The following SPMIP8 variants were observed in gnomAD, a reference collection of about 807,000 sequenced individuals.
SPMIP8 encodes the protein testicular tissue protein Li 196.
the SPMIP8 span, among the ~76,000 whole-genome samples, chr16:57,979,191 C>T: frequency 2.0e-5 from 3 of 152,220 alleles, no homozygotes; most frequent in African/African-American, 2.4e-5. Flanking sequence ...TAGGTGCAGG[C>T]GGGGCAGGGT....
At chr16:57,987,089 A>G in the SPMIP8 span, 5 of 337,888 alleles carry the variant, frequency 1.5e-5, no homozygotes, top group African/African-American at 8.4e-5. Flanking sequence ...ACACGGGGAA[A>G]CGTTTCTGGG....
At chr16:57,986,494 C>G in the SPMIP8 span, 1 of 152,306 alleles carries the variant, frequency 6.6e-6, no homozygotes, top group African/African-American at 2.4e-5. Context: ...CCCCCGAAAC[C>G]CAGCAGACCA....
the SPMIP8 span, chr16:57,986,118 A>G: frequency 2.8e-6 from 2 of 710,614 alleles, no homozygotes; most frequent in Non-Finnish European, 4.2e-6. Context: ...GCCCCTGGCA[A>G]ATGTGCAGCC....
At chr16:57,984,471 A>G in the SPMIP8 span, 3 of 1,535,832 alleles carry the variant, frequency 2.0e-6, no homozygotes, top group Non-Finnish European at 2.7e-6. Flanking sequence ...CCTGCTTGGG[A>G]CTCCCGCTCC....
the SPMIP8 span, among the ~76,000 whole-genome samples, chr16:57,981,845 T>G: frequency 1.3e-5 from 2 of 152,090 alleles, no homozygotes; most frequent in Non-Finnish European, 2.9e-5. Context: ...TCATTTATTG[T>G]GTCTAAACCG....
At chr16:57,987,688 G>A in the SPMIP8 span, 3 of 400,166 alleles carry the variant, frequency 7.5e-6, no homozygotes, top group Non-Finnish European at 8.8e-6. Flanking sequence ...GTGGGGGGTT[G>A]GAGAAAAATG....
the SPMIP8 span, among the ~76,000 whole-genome samples, chr16:57,983,460 A>AT: frequency 6.6e-6 from 1 of 151,304 alleles, no homozygotes; most frequent in African/African-American, 2.5e-5. Context: ...AAGCTTCTGG[A>AT]TTTTTAATTA....
chr16:57,983,413 T>A, the SPMIP8 span, among the ~76,000 whole-genome samples: 1 of 152,202 alleles, frequency 6.6e-6, no homozygotes, highest in Non-Finnish European at 1.5e-5. Context: ...ATGTAGAAGT[T>A]TATTTTTATG....
chr16:57,981,383 AATAATAATAATTATTATTATT>A, the SPMIP8 span, among the ~76,000 whole-genome samples: 16 of 52,710 alleles, frequency 3.0e-4, no homozygotes, highest in Middle Eastern at 0.015. Context: ...CCGTCTCAAT[AATAATAATAATTATTATTATT>A]ATAATAATAA....
At chr16:57,986,711 A>C in the SPMIP8 span, 1 of 152,200 alleles carries the variant, frequency 6.6e-6, no homozygotes, top group African/African-American at 2.4e-5. Flanking sequence ...CTCCTGCCTC[A>C]GCTTTCTGAG....
At chr16:57,984,441 C>T in the SPMIP8 span, 2 of 1,578,172 alleles carry the variant, frequency 1.3e-6, no homozygotes, top group Non-Finnish European at 1.7e-6. Flanking sequence ...GGATCTACAC[C>T]CCGCGCACCT....
the SPMIP8 span, chr16:57,985,532 G>A: frequency 1.3e-5 from 21 of 1,606,636 alleles, no homozygotes; most frequent in Non-Finnish European, 1.7e-5. Flanking sequence ...AGAAGCCCCT[G>A]CCTTTCGACT....
chr16:57,984,320 C>T, the SPMIP8 span: 1 of 1,614,226 alleles, frequency 6.2e-7, no homozygotes, highest in Non-Finnish European at 8.5e-7. Context: ...TGACAACGCC[C>T]ATTTTACACT....
chr16:57,981,473 G>T, the SPMIP8 span, among the ~76,000 whole-genome samples: 1 of 131,606 alleles, frequency 7.6e-6, no homozygotes, highest in Non-Finnish European at 1.6e-5. Context: ...TGTTCTCTTA[G>T]TCTTGTAATC....
the SPMIP8 span, chr16:57,985,573 C>T: frequency 8.8e-5 from 138 of 1,571,014 alleles, no homozygotes; most frequent in African/African-American, 1.6e-3. Context: ...GCCCGGGGAC[C>T]CCATATCTGG....
At chr16:57,985,666 C>T in the SPMIP8 span, 1 of 1,372,950 alleles carries the variant, frequency 7.3e-7, no homozygotes, top group South Asian at 1.5e-5. Flanking sequence ...AAAATTGGCT[C>T]CAATACACCA....
At chr16:57,983,038 A>T in the SPMIP8 span, among the ~76,000 whole-genome samples, 8 of 152,058 alleles carry the variant, frequency 5.3e-5, no homozygotes, top group East Asian at 1.9e-4. Context: ...TCAAAAAAAA[A>T]TTTTTTTTAA....
chr16:57,981,501 C>CTTTTTT, the SPMIP8 span, among the ~76,000 whole-genome samples: 10 of 68,980 alleles, frequency 1.4e-4, 1 homozygote, highest in South Asian at 5.8e-4. Context: ...CTCTCTTTCT[C>CTTTTTT]TTTTTTTTTT....
the SPMIP8 span, chr16:57,988,116 A>C: frequency 2.0e-5 from 3 of 152,388 alleles, no homozygotes; most frequent in East Asian, 5.8e-4. Flanking sequence ...TTAAGCAAAA[A>C]GTCCTCTGCT....
Sources: gnomAD v4.1 joint callset for allele counts (sites outside exome capture counted in the v4.1 genomes callset) on GRCh38, gnomAD v4.1.1 for gene constraint, MANE v1.5 for transcripts, NCBI Gene and HGNC (gene_info 2026-07-23, HGNC 2026-07-21) for gene names.